Variants in WWOX observed in about 807,000 individuals in gnomAD.
The protein encoded by WWOX is WW domain containing oxidoreductase.
In WWOX, 69 loss-of-function variants were observed where a neutral mutation model predicts 46.2. The ratio of observed to expected loss-of-function variants is 1.49; its 90% CI spans 1.23 to 1.82. WWOX has a LOEUF of 1.82. Ranked by LOEUF, WWOX falls within the 40% of genes most tolerant of loss-of-function variation. The pLI is 0.00. For synonymous variants in WWOX, 359 were observed against 202.6 expected, an observed-to-expected ratio of 1.77 and a Z score of -6.56; for missense variants, 919 against 542.6, an observed-to-expected ratio of 1.69 and a Z score of -6.89.
intron 8 of WWOX, among the ~76,000 whole-genome samples, chr16:79,139,882 A>T (rs922336036): frequency 2.6e-5 from 4 of 152,196 alleles, no homozygotes; most frequent in Admixed American, 2.6e-4. Context: ...GCGCATACCC[A>T]AGACCCTCCC....
At chr16:78,734,018 C>A (rs1036282699) in intron 8 of WWOX, among the ~76,000 whole-genome samples, 1 of 151,912 alleles carries the variant, frequency 6.6e-6, no homozygotes, top group Admixed American at 6.6e-5. Flanking sequence ...CATGATCATG[C>A]CACTGCACTG....
chr16:78,139,644 C>G lies in WWOX; in HGVS notation c.409+24490C>G, dbSNP rs542176131. On this transcript the variant is annotated intron_variant, in intron 4 of 8. Transcript: ENST00000566780. ...CAGGCGATAGAGTGAGACTCTGTCT[C>G]TAAATACATAAATAAATAAAAGTAG... Among the ~76,000 whole-genome samples the G allele has an allele frequency of 5.6e-4, 85 of 152,184 alleles. 1 individual carries two copies. Among genetic ancestry groups the G allele is most frequent in the Non-Finnish European group, 8.8e-4 (60 of 68,018 alleles).
At chr16:78,602,989 C>A (rs1277204249) in intron 8 of WWOX, among the ~76,000 whole-genome samples, 1 of 152,214 alleles carries the variant, frequency 6.6e-6, no homozygotes, top group Non-Finnish European at 1.5e-5. Flanking sequence ...TTCTTAGATT[C>A]AACAAAATGT....
Position 78,420,294 on chromosome 16 carries a change from A to C in WWOX, c.606-4576A>C, listed in dbSNP as rs11863257. Among the ~76,000 whole-genome samples, 447 of 152,250 alleles carry C rather than the reference A, an allele frequency of 2.9e-3. 5 individuals are homozygous for C. Among genetic ancestry groups the C allele is most frequent in the African/African-American group, 0.01 (430 of 41,548 alleles). Reference sequence around the variant, plus strand: ...ATCTTGAAGAGAAATGAAAACATGCATTTCCATAGCATCTTACAAATGAAT... The same window carrying C: ...ATCTTGAAGAGAAATGAAAACATGCCTTTCCATAGCATCTTACAAATGAAT... On this transcript the variant is annotated intron_variant, in intron 6 of 8. Coordinates refer to ENST00000566780, the MANE Select transcript of WWOX (RefSeq NM_016373.4).
At chr16:78,825,750 C>A (rs1338058176) in intron 8 of WWOX, 1 of 584,874 alleles carries the variant, frequency 1.7e-6, no homozygotes, top group East Asian at 3.5e-5. Flanking sequence ...CTGATGATCC[C>A]CAGCGGAGAC....
intron 8 of WWOX, among the ~76,000 whole-genome samples, chr16:78,665,971 C>T (rs1224484340): frequency 2.0e-5 from 3 of 151,872 alleles, no homozygotes; most frequent in Non-Finnish European, 2.9e-5. Context: ...AGACGTGAGC[C>T]GCTGCGCCTG....
chr16:78,277,404 C>T (rs1221697218), intron 5 of WWOX, among the ~76,000 whole-genome samples: 2 of 152,144 alleles, frequency 1.3e-5, no homozygotes, highest in Admixed American at 6.6e-5. Flanking sequence ...CAGTTTTCTC[C>T]CTCTGTGTAT....
chr16:79,002,372 C>T (rs756673165), intron 8 of WWOX, among the ~76,000 whole-genome samples: 3 of 151,896 alleles, frequency 2.0e-5, no homozygotes, highest in African/African-American at 4.8e-5. Context: ...AACAGGTGCA[C>T]ACCACCATGC....
At chr16:78,531,669 C>A (rs1201601186) in intron 8 of WWOX, among the ~76,000 whole-genome samples, 3 of 151,888 alleles carry the variant, frequency 2.0e-5, no homozygotes, top group Non-Finnish European at 4.4e-5. Context: ...ATGGTGAAAC[C>A]CTGTCTCTAC....
intron 8 of WWOX, among the ~76,000 whole-genome samples, chr16:78,716,118 C>G (rs1362367264): frequency 5.3e-5 from 8 of 151,942 alleles, no homozygotes; most frequent in Admixed American, 2.0e-4. Context: ...AAGATAGGCC[C>G]TAATCCAATA....
intron 8 of WWOX, among the ~76,000 whole-genome samples, chr16:78,604,035 T>C (rs1419337471): frequency 6.6e-6 from 1 of 152,076 alleles, no homozygotes; most frequent in East Asian, 1.9e-4. Flanking sequence ...TCCCAGCTAC[T>C]AAGGAGGCTG....
chr16:78,283,923 G>A (rs1286896811), intron 5 of WWOX, among the ~76,000 whole-genome samples: 3 of 152,136 alleles, frequency 2.0e-5, no homozygotes, highest in Admixed American at 6.5e-5. Context: ...GTTAATTGTG[G>A]CAGCTCATTT....
intron 8 of WWOX, chr16:78,756,934 C>G: frequency 4.3e-6 from 3 of 703,010 alleles, no homozygotes; most frequent in Non-Finnish European, 7.8e-6. Context: ...GGATCATTCA[C>G]TCTAGGAAAA....
intron 8 of WWOX, chr16:79,110,892 C>G (rs1003695486): frequency 1.3e-5 from 2 of 152,140 alleles, no homozygotes; most frequent in African/African-American, 4.8e-5. Context: ...ATTGGTCTTT[C>G]GGGATTGTTT....
intron 5 of WWOX, among the ~76,000 whole-genome samples, chr16:78,324,748 T>C (rs1439205603): frequency 8.5e-6 from 1 of 117,272 alleles, no homozygotes. Flanking sequence ...AATTTAGAGA[T>C]AGAAAATAGA....
At chr16:78,502,975 C>G (rs960882128) in intron 8 of WWOX, among the ~76,000 whole-genome samples, 1 of 152,202 alleles carries the variant, frequency 6.6e-6, no homozygotes, top group Non-Finnish European at 1.5e-5. Flanking sequence ...GTGCTGCGAT[C>G]TTTGATTACT....
intron 8 of WWOX, among the ~76,000 whole-genome samples, chr16:78,646,387 C>A (rs1471580839): frequency 6.6e-6 from 1 of 152,052 alleles, no homozygotes; most frequent in Admixed American, 6.6e-5. Flanking sequence ...TCCATCTTAG[C>A]CCTTCTTTCC....
chr16:78,599,163 C>T (rs58285281), intron 8 of WWOX, among the ~76,000 whole-genome samples: 6,634 of 152,280 alleles, frequency 0.044, 201 homozygotes, highest in South Asian at 0.15. Context: ...ATCCCCTCCT[C>T]CAGTCCCGGG....
chr16:78,875,237 ACC>A, intron 8 of WWOX, among the ~76,000 whole-genome samples: 1 of 152,046 alleles, frequency 6.6e-6, no homozygotes, highest in Non-Finnish European at 1.5e-5. Context: ...TTGGATGTTC[ACC>A]GCTTCTTTAG....
Sources: gnomAD v4.1 joint callset for allele counts (sites outside exome capture counted in the v4.1 genomes callset) on GRCh38, gnomAD v4.1.1 for gene constraint, MANE v1.5 for transcripts, NCBI Gene and HGNC (gene_info 2026-07-23, HGNC 2026-07-21) for gene names.